The following DNAH11 variants were observed in gnomAD, a reference collection of about 807,000 sequenced individuals.
DNAH11 encodes axonemal beta dynein heavy chain 11.
Under a neutral mutation model 526.0 loss-of-function variants are expected in DNAH11, and 442 were observed. The ratio of observed to expected loss-of-function variants is 0.84; its 90% CI spans 0.78 to 0.91. The LOEUF is 0.91. DNAH11 is among the 40% of genes least tolerant of loss of function. DNAH11 has a pLI of 0.00. For missense variants in DNAH11, 6,989 were observed against 5,448.7 expected, an observed-to-expected ratio of 1.28 and a Z score of -8.90; for synonymous variants, 2,461 against 1,935.9, an observed-to-expected ratio of 1.27 and a Z score of -7.12.
intron 68 of DNAH11, among the ~76,000 whole-genome samples, chr7:21,857,111 AT>A (rs1782882180): frequency 6.6e-6 from 1 of 152,170 alleles, no homozygotes; most frequent in Non-Finnish European, 1.5e-5. Context: ...TAAGAAGTGA[AT>A]TTTTAGCAAG....
chr7:21,591,105 T>G, intron 13 of DNAH11, 80 bp from the exon 14 acceptor site: 1 of 1,440,228 alleles, frequency 6.9e-7, no homozygotes, highest in Non-Finnish European at 9.2e-7. Context: ...TATAGATCTA[T>G]ATGATATTTT....
intron 9 of DNAH11, among the ~76,000 whole-genome samples, chr7:21,583,383 A>G (rs968514328): frequency 6.6e-6 from 1 of 152,226 alleles, no homozygotes; most frequent in Non-Finnish European, 1.5e-5. Context: ...CTGGCTTGCC[A>G]TATGCAGAAA....
chr7:21,655,143 C>G (rs1176783588), intron 28 of DNAH11, among the ~76,000 whole-genome samples: 1 of 151,280 alleles, frequency 6.6e-6, no homozygotes, highest in Non-Finnish European at 1.5e-5. Flanking sequence ...TTGGAGAACG[C>G]AAAACTTAGG....
intron 59 of DNAH11, 80 bp from the exon 60 acceptor site, chr7:21,787,321 A>G: frequency 6.9e-7 from 1 of 1,445,612 alleles, no homozygotes; most frequent in Non-Finnish European, 9.3e-7. Flanking sequence ...TGAGTCCTAA[A>G]AGCTGATTTT....
At chr7:21,710,036 T>A (rs1355504282) in intron 40 of DNAH11, among the ~76,000 whole-genome samples, 1 of 152,216 alleles carries the variant, frequency 6.6e-6, no homozygotes, top group East Asian at 1.9e-4. Flanking sequence ...TGCCTATACA[T>A]CTTGTTAAGG....
intron 81 of DNAH11, 106 bp from the exon 82 acceptor site, chr7:21,900,901 T>G: frequency 6.8e-7 from 1 of 1,474,954 alleles, no homozygotes; most frequent in African/African-American, 1.4e-5. Context: ...AGCAAAAATA[T>G]GACAAAACCA....
chr7:21,545,462 A>G (rs1279214742), intron 2 of DNAH11, among the ~76,000 whole-genome samples: 1 of 152,116 alleles, frequency 6.6e-6, no homozygotes, highest in African/African-American at 2.4e-5. Context: ...ATAAAAAGCA[A>G]CTTGAATAGG....
At chr7:21,830,651 C>G (rs2128008436) in intron 65 of DNAH11, among the ~76,000 whole-genome samples, 1 of 151,886 alleles carries the variant, frequency 6.6e-6, no homozygotes, top group East Asian at 2.0e-4. Context: ...GCTAAGCCAC[C>G]TTGGCCAAGC....
Position 21,901,028 on chromosome 7 carries a change from C to T in DNAH11, c.13325C>T (p.Ala4442Val), listed in dbSNP as rs576958149. 3 of 1,608,760 alleles carry T rather than the reference C, an allele frequency of 1.9e-6. No individual in the cohort carries two copies. The highest frequency in any genetic ancestry group is 2.7e-5 in the African/African-American group (2 of 74,878). ...ATAGGCGCCCGCTGGGACACCCAAG[C>T]AGGAACCATTGTTGAAGCCCGTCTC... The part of the protein sequence containing the change: ...FMEGARWDTQ[A>V]GTIVEARLKE... Residue 4442 changes from alanine (A) to valine (V), a missense_variant, in exon 82 of 82, where the codon GCA becomes GTA. Transcript: ENST00000409508.
At chr7:21,815,737 G>A (rs929049523) in intron 63 of DNAH11, among the ~76,000 whole-genome samples, 2 of 152,158 alleles carry the variant, frequency 1.3e-5, no homozygotes, top group African/African-American at 4.8e-5. Flanking sequence ...ATGACTGGCG[G>A]AGTGAACATA....
chr7:21,732,238 G>A (rs867761347), intron 45 of DNAH11, among the ~76,000 whole-genome samples: 10 of 152,112 alleles, frequency 6.6e-5, no homozygotes, highest in African/African-American at 1.9e-4. Flanking sequence ...CTCACTCCTC[G>A]TAGCCACTTT....
intron 45 of DNAH11, among the ~76,000 whole-genome samples, chr7:21,733,469 C>G (rs1195514943): frequency 6.6e-6 from 1 of 151,136 alleles, no homozygotes; most frequent in African/African-American, 2.5e-5. Context: ...GGAAATCTTG[C>G]TTTTTGTTCA....
intron 76 of DNAH11, among the ~76,000 whole-genome samples, chr7:21,890,644 T>A (rs1784295914): frequency 6.6e-6 from 1 of 152,218 alleles, no homozygotes; most frequent in Non-Finnish European, 1.5e-5. Flanking sequence ...TTGCCCATAT[T>A]TTTATTCTGG....
intron 43 of DNAH11, among the ~76,000 whole-genome samples, chr7:21,719,543 G>A (rs1784796546): frequency 6.6e-6 from 1 of 152,056 alleles, no homozygotes; most frequent in Non-Finnish European, 1.5e-5. Context: ...AGAACAACAT[G>A]GCTTCTACTA....
At chr7:21,564,593 A>G (rs1377729782) in intron 6 of DNAH11, among the ~76,000 whole-genome samples, 196 bp downstream of exon 6, 2 of 152,212 alleles carry the variant, frequency 1.3e-5, no homozygotes, top group East Asian at 1.9e-4. Flanking sequence ...TAAGTCAGAC[A>G]TAATCAAAGG....
intron 66 of DNAH11, chr7:21,851,303 T>C (rs117106759): frequency 0.043 from 10,981 of 256,290 alleles, 356 homozygotes; most frequent in South Asian, 0.11. Context: ...ACATGTTTGC[T>C]TCCCTTCCAC....
chr7:21,851,242 C>T (rs1782620917), intron 66 of DNAH11: 1 of 223,214 alleles, frequency 4.5e-6, no homozygotes, highest in Admixed American at 5.0e-5. Flanking sequence ...TTATAAGGGG[C>T]TTTTCCCCCT....
chr7:21,567,879 C>A (rs897365810), intron 6 of DNAH11, among the ~76,000 whole-genome samples: 1 of 152,178 alleles, frequency 6.6e-6, no homozygotes, highest in Admixed American at 6.6e-5. Context: ...GGTCTTAATG[C>A]CTTGCCTTTC....
chr7:21,707,984 TG>T, intron 40 of DNAH11, 149 bp downstream of exon 40: 2 of 765,446 alleles, frequency 2.6e-6, no homozygotes, highest in Non-Finnish European at 3.8e-6. Context: ...GCATTTATAA[TG>T]TATAAATTAA....
Sources: gnomAD v4.1 joint callset for allele counts (sites outside exome capture counted in the v4.1 genomes callset) on GRCh38, gnomAD v4.1.1 for gene constraint, MANE v1.5 for transcripts, NCBI Gene and HGNC (gene_info 2026-07-23, HGNC 2026-07-21) for gene names.